The following DCC variants were observed in gnomAD, a reference collection of about 807,000 sequenced individuals.
The protein encoded by DCC is netrin receptor DCC.
A neutral mutation model predicts 172.5 loss-of-function variants in DCC; 58 were observed. That is an observed-to-expected ratio of 0.34 (90% CI 0.27 to 0.42). DCC has a LOEUF of 0.42. DCC is among the 10% of genes least tolerant of loss of function. The probability of loss-of-function intolerance (pLI) is 1.00; values close to 1 mark genes in which losing one functional copy is unlikely to be tolerated. For missense variants in DCC, 1,740 were observed against 1,791.0 expected (o/e 0.97, Z 0.51); for synonymous variants, 709 against 644.5 (o/e 1.10, Z -1.52).
At position 53,495,019 on chromosome 18, in the gene DCC, A is replaced by ATTTGT. The variant is rs573118833; in HGVS notation, c.3899-4276_3899-4272dup. Among the ~76,000 whole-genome samples the ATTTGT allele has an allele frequency of 4.1e-4, 62 of 152,158 alleles. No individual in the cohort carries two copies. The South Asian group carries it at 0.011, about 28-fold the overall frequency. ...CTGGTGGTGACAAAAATCTCTCAGC[A>ATTTGT]TTTGTTTGTCTGTAAAGGATTTTAT... On this transcript the variant is annotated intron_variant, in intron 26 of 28. Coordinates refer to ENST00000442544, the MANE Select transcript of DCC (RefSeq NM_005215.4).
chr18:52,738,633 A>T (rs2036765400), intron 1 of DCC, among the ~76,000 whole-genome samples: 1 of 152,190 alleles, frequency 6.6e-6, no homozygotes, highest in Non-Finnish European at 1.5e-5. Flanking sequence ...CTGTACGCCT[A>T]GGCTACACCA....
chr18:52,361,527 C>T (rs143831648), intron 1 of DCC, among the ~76,000 whole-genome samples: 62 of 152,314 alleles, frequency 4.1e-4, no homozygotes, highest in East Asian at 2.1e-3. Context: ...GAGACACGTG[C>T]TAGGCATGCC....
chr18:53,118,067 G>A (rs541627358), intron 7 of DCC, among the ~76,000 whole-genome samples: 6 of 151,844 alleles, frequency 4.0e-5, no homozygotes, highest in African/African-American at 1.4e-4. Context: ...TTGATGGGGA[G>A]TTGATTACAC....
At chr18:52,497,433 A>ATATG (rs2030844268) in intron 1 of DCC, among the ~76,000 whole-genome samples, 2 of 67,826 alleles carry the variant, frequency 2.9e-5, no homozygotes, top group African/African-American at 5.0e-5. Context: ...ATACACATAC[A>ATATG]TATAAAGAGG....
chr18:53,134,464 A>G (rs975329472), intron 7 of DCC, among the ~76,000 whole-genome samples: 1 of 152,104 alleles, frequency 6.6e-6, no homozygotes, highest in Non-Finnish European at 1.5e-5. Flanking sequence ...TCCTCTCAAG[A>G]ATGCTGCATT....
intron 5 of DCC, among the ~76,000 whole-genome samples, chr18:52,964,503 A>T (rs1481406925): frequency 6.6e-6 from 1 of 152,024 alleles, no homozygotes; most frequent in African/African-American, 2.4e-5. Context: ...TTAGGGCTAT[A>T]GTTGGGTTTA....
At chr18:52,864,222 G>A (rs1393244579) in intron 2 of DCC, among the ~76,000 whole-genome samples, 1 of 152,128 alleles carries the variant, frequency 6.6e-6, no homozygotes, top group African/African-American at 2.4e-5. Context: ...CATGTTCAAA[G>A]CCTTTACTAA....
intron 12 of DCC, among the ~76,000 whole-genome samples, chr18:53,286,536 C>A (rs1338095064): frequency 6.6e-6 from 1 of 152,118 alleles, no homozygotes; most frequent in Non-Finnish European, 1.5e-5. Context: ...ATATCTTTAC[C>A]AGCAGCATGA....
At chr18:52,798,811 G>A (rs1011452270) in intron 2 of DCC, among the ~76,000 whole-genome samples, 10 of 151,652 alleles carry the variant, frequency 6.6e-5, no homozygotes, top group Non-Finnish European at 1.0e-4. Flanking sequence ...GGAGTTCAAT[G>A]GTGGGATCTT....
intron 1 of DCC, among the ~76,000 whole-genome samples, chr18:52,540,419 C>A (rs76911533): frequency 6.6e-6 from 1 of 151,492 alleles, no homozygotes; most frequent in Non-Finnish European, 1.5e-5. Flanking sequence ...AGAGCAAGAC[C>A]CTGACTCAAA....
intron 1 of DCC, among the ~76,000 whole-genome samples, chr18:52,460,357 A>G (rs1988593795): frequency 1.3e-5 from 2 of 152,018 alleles, no homozygotes. Flanking sequence ...TAACCTCTCC[A>G]TAGCATTTGA....
intron 5 of DCC, among the ~76,000 whole-genome samples, chr18:52,928,329 G>A (rs889433059): frequency 1.3e-5 from 2 of 151,992 alleles, no homozygotes; most frequent in African/African-American, 4.8e-5. Context: ...AAAAACTATC[G>A]AGCACTATGC....
At chr18:52,846,005 C>T (rs2038882040) in intron 2 of DCC, among the ~76,000 whole-genome samples, 1 of 152,154 alleles carries the variant, frequency 6.6e-6, no homozygotes, top group Non-Finnish European at 1.5e-5. Context: ...ACTGGGGTTG[C>T]CTCAGTCTAA....
intron 1 of DCC, among the ~76,000 whole-genome samples, chr18:52,613,806 G>C (rs763322123): frequency 1.3e-5 from 2 of 152,080 alleles, no homozygotes; most frequent in South Asian, 2.1e-4. Flanking sequence ...CTGGGTATTC[G>C]CTGAGAGCAA....
intron 1 of DCC, among the ~76,000 whole-genome samples, chr18:52,455,724 A>G (rs1471769814): frequency 2.0e-5 from 3 of 152,176 alleles, no homozygotes; most frequent in Non-Finnish European, 4.4e-5. Flanking sequence ...CAACTGTAAA[A>G]TGGGGTTATT....
chr18:53,530,975 T>C lies in DCC; in HGVS notation c.*322T>C, dbSNP rs114935966. 6.8e-3 allele frequency: 2,919 copies of C among 429,810 alleles called. 60 individuals are homozygous for C. Among genetic ancestry groups the C allele is most frequent in the African/African-American group, 0.053 (2,666 of 49,906 alleles). 26.6% of individuals were successfully genotyped at this position (429,810 alleles called of 1,614,324 possible). A position where few individuals can be genotyped will look rare whatever the true frequency, so the allele number is the denominator to read the frequency against. On this transcript the variant is annotated 3_prime_UTR_variant, in exon 29 of 29. Coordinates refer to ENST00000442544, the MANE Select transcript of DCC (RefSeq NM_005215.4). ...ACCACACTGTCATAACTAATACCTA[T>C]GTTTTCCTTTGTCAAGGCCTGTTGT...
chr18:53,333,921 A>C (rs1040200327), intron 14 of DCC, among the ~76,000 whole-genome samples: 22 of 152,288 alleles, frequency 1.4e-4, no homozygotes, highest in Non-Finnish European at 2.8e-4. Flanking sequence ...CACAGGTTTG[A>C]CTAATAGGCA....
chr18:52,991,776 T>A (rs998660326), intron 5 of DCC, among the ~76,000 whole-genome samples: 7 of 152,184 alleles, frequency 4.6e-5, no homozygotes, highest in African/African-American at 1.7e-4. Context: ...AACATCACCA[T>A]TTGTGAGAAT....
At chr18:52,539,309 G>GA (rs958026363) in intron 1 of DCC, among the ~76,000 whole-genome samples, 47 of 149,212 alleles carry the variant, frequency 3.1e-4, no homozygotes, top group African/African-American at 5.4e-4. Context: ...GTAAATCCAT[G>GA]AAAAAAAAAA....
Sources: gnomAD v4.1 joint callset for allele counts (sites outside exome capture counted in the v4.1 genomes callset) on GRCh38, gnomAD v4.1.1 for gene constraint, MANE v1.5 for transcripts, NCBI Gene and HGNC (gene_info 2026-07-23, HGNC 2026-07-21) for gene names.